The following UGGT2 variants were observed in gnomAD, a reference collection of about 807,000 sequenced individuals.
UGGT2 encodes the protein UDP-glucose glycoprotein glucosyltransferase 2, also known as UDP-glucose:glycoprotein glucosyltransferase 2.
Under a neutral mutation model 192.1 loss-of-function variants are expected in UGGT2, and 180 were observed. The observed-to-expected ratio is 0.94, with a 90% CI of 0.83 to 1.06. UGGT2 has a LOEUF of 1.06. Among genes scored for constraint, UGGT2 ranks in the 50% least tolerant of loss-of-function variants. UGGT2 has a pLI of 0.00. For synonymous variants in UGGT2, 580 were observed against 591.0 expected, an observed-to-expected ratio of 0.98 and a Z score of 0.27; for missense variants, 1,849 against 1,795.7, an observed-to-expected ratio of 1.03 and a Z score of -0.54.
At chr13:95,844,295 T>C (rs1888169186) in intron 36 of UGGT2, among the ~76,000 whole-genome samples, 1 of 152,202 alleles carries the variant, frequency 6.6e-6, no homozygotes, top group South Asian at 2.1e-4. Flanking sequence ...GGCATTCCAT[T>C]TGAATTTTAG....
At chr13:95,927,371 G>A in intron 17 of UGGT2, 35 bp from the exon 18 acceptor site, 1 of 1,538,504 alleles carries the variant, frequency 6.5e-7, no homozygotes, top group Admixed American at 2.1e-5. Context: ...GATAATACAG[G>A]CAATTTATAT....
At chr13:95,806,698 A>G (rs1434930625) in intron 38 of UGGT2, among the ~76,000 whole-genome samples, 2 of 152,212 alleles carry the variant, frequency 1.3e-5, no homozygotes, top group Non-Finnish European at 2.9e-5. Context: ...AGAGACATAT[A>G]GACTAAAGGA....
At chr13:95,857,702 A>G (rs1889752141) in intron 33 of UGGT2, among the ~76,000 whole-genome samples, 1 of 152,200 alleles carries the variant, frequency 6.6e-6, no homozygotes, top group African/African-American at 2.4e-5. Flanking sequence ...TTCACTAAGA[A>G]GTTTTCAAAA....
At chr13:96,041,155 C>A (rs2053153214) in intron 1 of UGGT2, among the ~76,000 whole-genome samples, 1 of 152,160 alleles carries the variant, frequency 6.6e-6, no homozygotes. Flanking sequence ...CTGGGAGATA[C>A]CCCAAATACT....
chr13:96,024,277 C>A (rs1045887032), intron 2 of UGGT2, among the ~76,000 whole-genome samples: 1 of 152,122 alleles, frequency 6.6e-6, no homozygotes, highest in African/African-American at 2.4e-5. Context: ...GGAACTTGAA[C>A]AAACTAACCT....
At chr13:95,925,127 T>C (rs1014840887) in intron 20 of UGGT2, among the ~76,000 whole-genome samples, 1 of 152,362 alleles carries the variant, frequency 6.6e-6, no homozygotes. Flanking sequence ...TAAACTTATA[T>C]ATTAACTTAG....
chr13:96,027,662 G>A (rs595696), intron 2 of UGGT2, among the ~76,000 whole-genome samples: 41,155 of 152,078 alleles, frequency 0.27, 6,920 homozygotes, highest in Non-Finnish European at 0.37. Context: ...TCTACTGGAA[G>A]GGGACATTTT....
chr13:95,947,679 G>T (rs2049922807), intron 14 of UGGT2, among the ~76,000 whole-genome samples: 1 of 121,542 alleles, frequency 8.2e-6, no homozygotes, highest in African/African-American at 3.1e-5. Context: ...TTGAACCCCT[G>T]ACCTCGTGAT....
At chr13:95,966,491 A>G (rs771100951) in intron 12 of UGGT2, among the ~76,000 whole-genome samples, 3 of 152,184 alleles carry the variant, frequency 2.0e-5, no homozygotes, top group Non-Finnish European at 4.4e-5. Flanking sequence ...ATTCAATAGC[A>G]AAGTAGGGTG....
At chr13:95,815,556 G>A (rs1014994710) in intron 38 of UGGT2, among the ~76,000 whole-genome samples, 16 of 152,222 alleles carry the variant, frequency 1.1e-4, no homozygotes, top group Admixed American at 1.0e-3. Context: ...AGTAATTAAA[G>A]ACCAAAATAA....
chr13:95,859,540 T>C (rs1889951408), intron 33 of UGGT2, 51 bp downstream of exon 33: 1 of 1,350,184 alleles, frequency 7.4e-7, no homozygotes, highest in South Asian at 1.3e-5. Flanking sequence ...ATGATACAAA[T>C]AATTTACTAT....
At chr13:95,817,043 G>A (rs1051123321) in intron 38 of UGGT2, among the ~76,000 whole-genome samples, 2 of 152,100 alleles carry the variant, frequency 1.3e-5, no homozygotes, top group Non-Finnish European at 1.5e-5. Flanking sequence ...CACAAGAATC[G>A]CTTGAACCCG....
At chr13:95,984,133 A>C (rs960166610) in intron 9 of UGGT2, among the ~76,000 whole-genome samples, 2 of 152,212 alleles carry the variant, frequency 1.3e-5, no homozygotes, top group Non-Finnish European at 2.9e-5. Flanking sequence ...TTTTGAAAAC[A>C]CTTCATTGAA....
chr13:95,805,441 A>G (rs1884256487), intron 38 of UGGT2, among the ~76,000 whole-genome samples: 1 of 152,206 alleles, frequency 6.6e-6, no homozygotes, highest in Non-Finnish European at 1.5e-5. Context: ...TATCCAAAAT[A>G]ATGGAAAGCG....
At chr13:96,038,903 G>T (rs1166483299) in intron 1 of UGGT2, among the ~76,000 whole-genome samples, 1 of 152,024 alleles carries the variant, frequency 6.6e-6, no homozygotes, top group African/African-American at 2.4e-5. Flanking sequence ...ATCATGTATG[G>T]GTGAGACTCT....
chr13:95,999,707 C>G (rs2051737180), intron 5 of UGGT2, among the ~76,000 whole-genome samples: 1 of 152,116 alleles, frequency 6.6e-6, no homozygotes, highest in South Asian at 2.1e-4. Flanking sequence ...TCTTCACTTG[C>G]TGGTTGTCTA....
intron 17 of UGGT2, among the ~76,000 whole-genome samples, chr13:95,930,088 G>C (rs1446096643): frequency 1.3e-5 from 2 of 152,174 alleles, no homozygotes; most frequent in Non-Finnish European, 2.9e-5. Flanking sequence ...CTTCTTTTGA[G>C]AAGTACCTGT....
Position 95,858,499 on chromosome 13 carries a change from T to C in UGGT2, c.3825+1092A>G, listed in dbSNP as rs574343238. Among the ~76,000 whole-genome samples the C allele has an allele frequency of 2.6e-5, 4 of 152,190 alleles. No individual in the cohort carries two copies. The South Asian group carries it at 8.3e-4, about 32-fold the overall frequency. ...ACCACAAAGTTTGAATGAGCTTCCC[T>C]GGTTGGCAATACTCCACGAGTACCC... On this transcript the variant is annotated intron_variant, in intron 33 of 38. Coordinates refer to ENST00000376747, the MANE Select transcript of UGGT2 (RefSeq NM_020121.4).
chr13:95,999,232 G>C lies in UGGT2; in HGVS notation c.736C>G (p.Leu246Val). The change falls in exon 6 of 39, where the codon CTG becomes GTG. Residue 246 changes from leucine (L) to valine (V), a missense_variant. Coordinates refer to ENST00000376747, the MANE Select transcript of UGGT2 (RefSeq NM_020121.4). The part of the protein sequence containing the change: ...LAIKSTEYKA[L>V]DDTQVKTVTN... ...TTACTTTTAACTTGGGTATCATCCA[G>C]TGCTTTGTATTCTGTACTCTTAATT... The C allele has an allele frequency of 6.2e-7, 1 of 1,613,474 alleles. No individual in the cohort carries two copies. The highest frequency in any genetic ancestry group is 8.5e-7 in the Non-Finnish European group (1 of 1,179,630).
Sources: allele counts gnomAD v4.1 joint callset (sites outside exome capture counted in the v4.1 genomes callset), GRCh38; gene constraint gnomAD v4.1.1; transcripts MANE v1.5; gene names NCBI Gene and HGNC (gene_info 2026-07-23, HGNC 2026-07-21).